The following EVL variants were observed in gnomAD, a reference collection of about 807,000 sequenced individuals.
The protein encoded by EVL is ena/VASP-like protein.
EVL carries 21 observed loss-of-function variants against 59.6 expected under a neutral mutation model. The ratio of observed to expected loss-of-function variants is 0.35; its 90% CI spans 0.25 to 0.51. The LOEUF is 0.51. Ranked by LOEUF, EVL falls within the 20% of genes least tolerant of loss-of-function variation. EVL has a pLI of 0.97. For synonymous variants in EVL, 198 were observed against 203.5 expected (o/e 0.97, Z 0.23); for missense variants, 462 against 546.6 (o/e 0.85, Z 1.54).
intron 1 of EVL, among the ~76,000 whole-genome samples, chr14:100,016,701 G>A (rs958139759): frequency 6.6e-6 from 1 of 152,168 alleles, no homozygotes; most frequent in African/African-American, 2.4e-5. Context: ...CCTCACTTAT[G>A]TTTCTGTTTC....
At chr14:100,131,713 A>G (rs1888447242) in intron 7 of EVL, among the ~76,000 whole-genome samples, 1 of 152,232 alleles carries the variant, frequency 6.6e-6, no homozygotes, top group Non-Finnish European at 1.5e-5. Context: ...CAGTCCAGGA[A>G]GAGATGATAG....
intron 1 of EVL, among the ~76,000 whole-genome samples, chr14:100,057,292 G>A (rs1179957962): frequency 6.6e-6 from 1 of 152,194 alleles, no homozygotes; most frequent in African/African-American, 2.4e-5. Flanking sequence ...ATGTAGCATA[G>A]TGTCCTCATG....
chr14:99,990,733 T>A (rs1338990767), intron 1 of EVL, among the ~76,000 whole-genome samples: 2 of 152,190 alleles, frequency 1.3e-5, no homozygotes, highest in Non-Finnish European at 2.9e-5. Flanking sequence ...AGAGAGATGC[T>A]ACTTTTTAAA....
At chr14:99,992,074 CTG>C (rs2060879382) in intron 1 of EVL, among the ~76,000 whole-genome samples, 2 of 152,048 alleles carry the variant, frequency 1.3e-5, no homozygotes, top group African/African-American at 4.8e-5. Context: ...CTTCCACCAA[CTG>C]TGCACAGTGG....
At chr14:100,028,914 C>T (rs1282374734) in intron 1 of EVL, among the ~76,000 whole-genome samples, 1 of 152,188 alleles carries the variant, frequency 6.6e-6, no homozygotes, top group Non-Finnish European at 1.5e-5. Context: ...GCTCCATTTC[C>T]TACAAAAGAA....
At chr14:100,007,350 C>T (rs572467831) in intron 1 of EVL, among the ~76,000 whole-genome samples, 2 of 152,210 alleles carry the variant, frequency 1.3e-5, no homozygotes, top group South Asian at 4.2e-4. Flanking sequence ...TCAGATTTTT[C>T]TCAGTGAGCA....
Position 100,137,764 on chromosome 14 carries a change from C to G in EVL, c.1056C>G (p.Pro352=), listed in dbSNP as rs140946044. The G allele has an allele frequency of 2.5e-6, 4 of 1,613,974 alleles. No homozygotes were observed. Among genetic ancestry groups the G allele is most frequent in the Non-Finnish European group, 3.4e-6 (4 of 1,180,018 alleles). Residue 352 remains proline (P), a synonymous_variant, in exon 11 of 14, where the codon CCC becomes CCG. Coordinates refer to ENST00000392920, the MANE Select transcript of EVL (RefSeq NM_016337.3). The part of the protein sequence containing the change: ...LSRTPSVAKS[P]EAKSPLQSQP... ...GAACCCCGTCTGTGGCAAAGAGCCC[C>G]GAAGCTAAGAGCCCCCTTCAGTCGC...
intron 1 of EVL, among the ~76,000 whole-genome samples, chr14:100,001,976 A>C (rs2060948894): frequency 6.6e-6 from 1 of 152,242 alleles, no homozygotes; most frequent in Non-Finnish European, 1.5e-5. Context: ...GATAGTTTCC[A>C]AATTCTGGAG....
chr14:100,124,882 G>A (rs1887929019), intron 4 of EVL, among the ~76,000 whole-genome samples: 2 of 152,320 alleles, frequency 1.3e-5, no homozygotes, highest in Admixed American at 1.3e-4. Context: ...GTGAACAGCA[G>A]GGGACACACA....
At chr14:100,113,365 C>T (rs936984376) in intron 3 of EVL, among the ~76,000 whole-genome samples, 3 of 152,170 alleles carry the variant, frequency 2.0e-5, no homozygotes, top group Non-Finnish European at 4.4e-5. Flanking sequence ...AGATTTAACT[C>T]TTAAGTGGCT....
At chr14:100,054,649 C>T (rs547775346) in intron 1 of EVL, among the ~76,000 whole-genome samples, 4 of 152,148 alleles carry the variant, frequency 2.6e-5, no homozygotes, top group Admixed American at 2.0e-4. Flanking sequence ...AGCCATTTAT[C>T]GTGCCTGCCT....
chr14:99,985,275 T>C (rs1033288090), intron 1 of EVL, among the ~76,000 whole-genome samples: 2 of 151,766 alleles, frequency 1.3e-5, no homozygotes, highest in Non-Finnish European at 2.9e-5. Flanking sequence ...AGAAAAGAGG[T>C]ATGAACGACA....
chr14:100,141,898 T>C, intron 13 of EVL, 105 bp downstream of exon 13: 1 of 853,132 alleles, frequency 1.2e-6, no homozygotes, highest in Non-Finnish European at 1.8e-6. Flanking sequence ...GAGCCCATAC[T>C]GCACTGGGCC....
chr14:99,981,464 T>TA (rs2060806195), intron 1 of EVL, among the ~76,000 whole-genome samples: 1 of 152,072 alleles, frequency 6.6e-6, no homozygotes, highest in African/African-American at 2.4e-5. Context: ...GTAACAATTA[T>TA]ATATATAAGC....
chr14:100,121,907 A>G (rs936954279), intron 3 of EVL, among the ~76,000 whole-genome samples: 1 of 152,242 alleles, frequency 6.6e-6, no homozygotes, highest in East Asian at 1.9e-4. Flanking sequence ...CCTCAGACCA[A>G]ATGCTAGACA....
chr14:100,052,480 G>A (rs1346831172), intron 1 of EVL, among the ~76,000 whole-genome samples: 3 of 152,130 alleles, frequency 2.0e-5, no homozygotes, highest in Admixed American at 6.5e-5. Context: ...GGCCAGGCAC[G>A]GTGTCTCATG....
chr14:99,991,093 G>A (rs1181122723), intron 1 of EVL, among the ~76,000 whole-genome samples: 1 of 152,054 alleles, frequency 6.6e-6, no homozygotes, highest in African/African-American at 2.4e-5. Flanking sequence ...CACCCCCTGA[G>A]GCAGCAAGAT....
chr14:100,061,735 A>C (rs1015029737), upstream of EVL, among the ~76,000 whole-genome samples: 2 of 152,174 alleles, frequency 1.3e-5, no homozygotes, highest in African/African-American at 4.8e-5. Flanking sequence ...TGGTTAATAC[A>C]TACTTTGTAT....
intron 1 of EVL, among the ~76,000 whole-genome samples, chr14:100,044,868 G>A (rs188953944): frequency 2.0e-5 from 3 of 152,224 alleles, no homozygotes; most frequent in East Asian, 1.9e-4. Context: ...AGACCATGGG[G>A]CATCCTTATA....
Sources: gnomAD v4.1 joint callset for allele counts (sites outside exome capture counted in the v4.1 genomes callset) on GRCh38, gnomAD v4.1.1 for gene constraint, MANE v1.5 for transcripts, NCBI Gene and HGNC (gene_info 2026-07-23, HGNC 2026-07-21) for gene names.